Variants in PRTFDC1 observed in about 807,000 individuals in gnomAD.
PRTFDC1 encodes phosphoribosyltransferase domain-containing protein 1.
A neutral mutation model predicts 34.6 loss-of-function variants in PRTFDC1; 38 were observed. The ratio of observed to expected loss-of-function variants is 1.10; its 90% CI spans 0.85 to 1.44. The LOEUF (loss-of-function observed/expected upper bound fraction) is 1.44, where lower values mean the gene tolerates loss of function less well. Ranked by LOEUF, PRTFDC1 falls within the 40% of genes most tolerant of loss-of-function variation. The pLI is 0.00. For missense variants in PRTFDC1, 270 were observed against 283.0 expected (o/e 0.95, Z 0.33); for synonymous variants, 93 against 98.1 (o/e 0.95, Z 0.31).
rs1387070051 is a variant in PRTFDC1, at chr10:24,856,792, A to C, written c.506+121T>G. 9 of 887,720 alleles carry C rather than the reference A, an allele frequency of 1.0e-5. No individual in the cohort carries two copies. In the East Asian group the frequency reaches 1.5e-4, roughly 15 times the overall value. The allele number at this position is 887,720 out of a possible 1,614,324, so 55.0% of individuals were successfully genotyped here. ...CAGTGTGGTCAAGCTGTAATACCCC[A>C]GGGGAAAAGGTCACTAGTTTGGAAT... On this transcript the variant is annotated intron_variant, in intron 6 of 8. Coordinates refer to ENST00000320152, the MANE Select transcript of PRTFDC1 (RefSeq NM_020200.7).
intron 3 of PRTFDC1, among the ~76,000 whole-genome samples, chr10:24,931,153 G>A (rs1848965547): frequency 6.6e-6 from 1 of 152,034 alleles, no homozygotes; most frequent in African/African-American, 2.4e-5. Flanking sequence ...GACAACCAAT[G>A]AGTGAAAGAG....
chr10:24,937,586 C>T (rs1352245354), intron 2 of PRTFDC1, among the ~76,000 whole-genome samples: 1 of 141,194 alleles, frequency 7.1e-6, no homozygotes, highest in African/African-American at 2.7e-5. Context: ...AAGATGGAGT[C>T]TCACTCTGTT....
chr10:24,939,870 G>A (rs2132612282), intron 2 of PRTFDC1, among the ~76,000 whole-genome samples: 1 of 151,658 alleles, frequency 6.6e-6, no homozygotes, highest in South Asian at 2.1e-4. Flanking sequence ...TAAATGGATG[G>A]AGTAAGACAT....
At chr10:24,921,846 T>C (rs548709663) in intron 3 of PRTFDC1, among the ~76,000 whole-genome samples, 1 of 152,292 alleles carries the variant, frequency 6.6e-6, no homozygotes, top group Admixed American at 6.5e-5. Flanking sequence ...GCATGTTGAA[T>C]TACCTGAGTG....
chr10:24,895,293 C>A (rs111620982), intron 3 of PRTFDC1, among the ~76,000 whole-genome samples: 115 of 116,594 alleles, frequency 9.9e-4, no homozygotes, highest in African/African-American at 3.0e-3. Context: ...CTCTTGTTGC[C>A]CAGGCTGGAG....
chr10:24,855,205 C>T (rs1438058137), intron 7 of PRTFDC1, 113 bp downstream of exon 7: 1 of 1,072,048 alleles, frequency 9.3e-7, no homozygotes, highest in Non-Finnish European at 1.4e-6. Flanking sequence ...TACACAGTTT[C>T]AAATCCACAT....
intron 3 of PRTFDC1, among the ~76,000 whole-genome samples, chr10:24,915,518 T>A (rs1848681873): frequency 6.6e-6 from 1 of 152,150 alleles, no homozygotes; most frequent in African/African-American, 2.4e-5. Context: ...TCACTCCACT[T>A]CCCATAACTG....
At chr10:24,908,188 C>T (rs1848565736) in intron 3 of PRTFDC1, 2 of 248,912 alleles carry the variant, frequency 8.0e-6, no homozygotes, top group African/African-American at 4.4e-5. Context: ...CTACATCATA[C>T]TCTCGTATCC....
intron 3 of PRTFDC1, among the ~76,000 whole-genome samples, chr10:24,922,760 A>G (rs912158246): frequency 1.3e-5 from 2 of 152,116 alleles, no homozygotes; most frequent in African/African-American, 2.4e-5. Context: ...TGCATTTCCA[A>G]CTGAGGTAGC....
chr10:24,878,753 T>C (rs1171271436), intron 3 of PRTFDC1, among the ~76,000 whole-genome samples: 3 of 152,094 alleles, frequency 2.0e-5, no homozygotes, highest in African/African-American at 7.2e-5. Context: ...ATACATATCC[T>C]AAATATCCTG....
chr10:24,882,203 T>C (rs1588589117), intron 3 of PRTFDC1, among the ~76,000 whole-genome samples: 1 of 13,346 alleles, frequency 7.5e-5, no homozygotes, highest in Non-Finnish European at 1.7e-4. Context: ...CGGATCTGCC[T>C]CAAAAAAAAA....
At chr10:24,874,968 C>T (rs1402141616) in intron 3 of PRTFDC1, among the ~76,000 whole-genome samples, 1 of 152,156 alleles carries the variant, frequency 6.6e-6, no homozygotes, top group Non-Finnish European at 1.5e-5. Flanking sequence ...CTGCTTCATT[C>T]TGCACTTCTC....
chr10:24,864,660 A>T (rs1847743997), intron 4 of PRTFDC1, among the ~76,000 whole-genome samples: 1 of 152,228 alleles, frequency 6.6e-6, no homozygotes, highest in Non-Finnish European at 1.5e-5. Context: ...ACCATACAGT[A>T]TAAACATAAG....
At chr10:24,939,447 A>G (rs1849113041) in intron 2 of PRTFDC1, among the ~76,000 whole-genome samples, 1 of 152,150 alleles carries the variant, frequency 6.6e-6, no homozygotes, top group Non-Finnish European at 1.5e-5. Context: ...GTCTAAATAT[A>G]GCAATTAAAA....
chr10:24,884,591 T>G (rs2132530459), intron 3 of PRTFDC1, among the ~76,000 whole-genome samples: 1 of 152,286 alleles, frequency 6.6e-6, no homozygotes. Context: ...ATTGTTGCTG[T>G]TTTTCTTTTT....
At chr10:24,868,664 C>T (rs986839430) in intron 4 of PRTFDC1, among the ~76,000 whole-genome samples, 2 of 151,950 alleles carry the variant, frequency 1.3e-5, no homozygotes, top group African/African-American at 4.8e-5. Context: ...CACTATGTTG[C>T]CCAGGCTGGT....
At chr10:24,864,614 T>A (rs889125119) in intron 4 of PRTFDC1, among the ~76,000 whole-genome samples, 1 of 152,202 alleles carries the variant, frequency 6.6e-6, no homozygotes, top group Non-Finnish European at 1.5e-5. Context: ...TGTGCCTTAT[T>A]TTTTAGACAT....
Position 24,913,397 on chromosome 10 carries a change from A to G in PRTFDC1, c.339+23787T>C, listed in dbSNP as rs914792582. Among the ~76,000 whole-genome samples the G allele has an allele frequency of 9.9e-5, 15 of 152,190 alleles. No individual in the cohort carries two copies. In the East Asian group the frequency reaches 2.9e-3, roughly 29 times the overall value. ...AGGTTTATAAGATGATTCATTGCAC[A>G]GTTTTAAATTGCAAGAAAGTTCTCT... On this transcript the variant is annotated intron_variant, in intron 3 of 8. Coordinates refer to ENST00000320152, the MANE Select transcript of PRTFDC1 (RefSeq NM_020200.7).
In PRTFDC1 at chr10:24,872,693, A is replaced by C. The variant is rs1433621329; in HGVS notation, c.340-630T>G. On this transcript the variant is annotated intron_variant, in intron 3 of 8. Transcript: ENST00000320152. ...GAACTATACGTGTGTGTGTGTATAT[A>C]TATATATACACAAAATATATATAAT... 1.1e-4 allele frequency among the ~76,000 whole-genome samples: 16 copies of C among 145,234 alleles called. No homozygotes were observed. In the South Asian group the frequency reaches 3.3e-3, roughly 30 times the overall value.
Sources: allele counts gnomAD v4.1 joint callset (sites outside exome capture counted in the v4.1 genomes callset), GRCh38; gene constraint gnomAD v4.1.1; transcripts MANE v1.5; gene names NCBI Gene and HGNC (gene_info 2026-07-23, HGNC 2026-07-21).